RALYL: variants seen among roughly 807,000 people sequenced by gnomAD.
RALYL encodes RNA-binding Raly-like protein.
Under a neutral mutation model 35.1 loss-of-function variants are expected in RALYL, and 29 were observed. The ratio of observed to expected loss-of-function variants is 0.83; its 90% CI spans 0.61 to 1.13. RALYL has a LOEUF of 1.13. RALYL is among the 50% of genes most tolerant of loss of function. The pLI, the probability that RALYL is intolerant of heterozygous loss-of-function variation, is 0.00. For missense variants in RALYL, 359 were observed against 360.4 expected (o/e 1.00, Z 0.03); for synonymous variants, 120 against 127.6 (o/e 0.94, Z 0.40).
At chr8:84,756,696 A>G (rs2133302273) in intron 2 of RALYL, among the ~76,000 whole-genome samples, 1 of 152,200 alleles carries the variant, frequency 6.6e-6, no homozygotes, top group Admixed American at 6.5e-5. Context: ...TAATATTCAT[A>G]TTGCTGATTA....
intron 2 of RALYL, among the ~76,000 whole-genome samples, chr8:84,537,644 G>A (rs957170772): frequency 1.3e-5 from 2 of 152,068 alleles, no homozygotes; most frequent in African/African-American, 2.4e-5. Flanking sequence ...TCAGTGGCTT[G>A]TAGTAATGTT....
rs950840959 is a variant in RALYL at position 84,185,253 on chromosome 8, T to C, written c.-24+829T>C. On this transcript the variant is annotated intron_variant, in intron 1 of 8. Coordinates refer to ENST00000521268, the MANE Select transcript of RALYL (RefSeq NM_173848.7). Reference sequence around the variant, plus strand: ...TCTAAGGTATTAAAAAAATGCCTTTTATTTAAATTTTGTTAAAGGGGCAGA... The same window carrying C: ...TCTAAGGTATTAAAAAAATGCCTTTCATTTAAATTTTGTTAAAGGGGCAGA... The C allele has an allele frequency of 1.6e-5, 9 of 566,784 alleles. No homozygotes were observed. The East Asian group carries it at 2.1e-4, about 13-fold the overall frequency. The allele number at this position is 566,784 out of a possible 1,614,324, so 35.1% of individuals were successfully genotyped here. A position where few individuals can be genotyped will look rare whatever the true frequency, so the allele number is the denominator to read the frequency against.
chr8:84,881,864 A>G (rs1302848635), intron 7 of RALYL, among the ~76,000 whole-genome samples: 3 of 151,884 alleles, frequency 2.0e-5, no homozygotes, highest in African/African-American at 4.8e-5. Flanking sequence ...TGGTATGTCA[A>G]ATTAGGCCTT....
At chr8:84,816,816 G>A (rs76431770) in intron 4 of RALYL, among the ~76,000 whole-genome samples, 3,246 of 152,046 alleles carry the variant, frequency 0.021, 108 homozygotes, top group African/African-American at 0.074. Context: ...AATGGATACC[G>A]CATTCTCCCT....
At chr8:84,746,572 T>C (rs1038093220) in intron 2 of RALYL, among the ~76,000 whole-genome samples, 7 of 152,152 alleles carry the variant, frequency 4.6e-5, no homozygotes, top group Admixed American at 6.6e-5. Context: ...TATTGGACTA[T>C]ACCACCAAAC....
intron 1 of RALYL, among the ~76,000 whole-genome samples, chr8:84,427,241 C>T (rs1423151462): frequency 1.3e-5 from 2 of 152,190 alleles, no homozygotes; most frequent in Non-Finnish European, 2.9e-5. Flanking sequence ...TCAGCTATGG[C>T]AATAGCTTCC....
intron 2 of RALYL, among the ~76,000 whole-genome samples, chr8:84,666,710 A>G (rs1284061681): frequency 6.6e-6 from 1 of 152,066 alleles, no homozygotes; most frequent in Non-Finnish European, 1.5e-5. Context: ...CTGAGATCAA[A>G]TGAAATCGTT....
intron 1 of RALYL, among the ~76,000 whole-genome samples, chr8:84,348,312 A>C (rs1357691361): frequency 6.6e-6 from 1 of 152,136 alleles, no homozygotes; most frequent in African/African-American, 2.4e-5. Context: ...ATGGATTTTC[A>C]GAGACAGAGT....
rs1018790086 is a variant in RALYL, at chr8:84,919,516, A to C, written c.859-1378A>C. 4.6e-5 allele frequency among the ~76,000 whole-genome samples: 7 copies of C among 152,214 alleles called. No individual in the cohort carries two copies. The South Asian group carries it at 1.0e-3, about 23-fold the overall frequency. On this transcript the variant is annotated intron_variant, in intron 8 of 8. Coordinates refer to ENST00000521268, the MANE Select transcript of RALYL (RefSeq NM_173848.7). The stretch of plus-strand genomic sequence containing the variant: ...CAAAACTGACTCTTCTCATGCACAT[A>C]AACACAACCTGGAACTGCATGACAA...
chr8:84,497,094 G>A (rs183742515), intron 1 of RALYL, among the ~76,000 whole-genome samples: 19 of 152,124 alleles, frequency 1.2e-4, no homozygotes, highest in African/African-American at 4.6e-4. Flanking sequence ...TCTAAGATGA[G>A]GCCGCTTACC....
chr8:84,570,390 T>C (rs1013173211), intron 2 of RALYL, among the ~76,000 whole-genome samples: 11 of 151,870 alleles, frequency 7.2e-5, no homozygotes, highest in African/African-American at 2.2e-4. Flanking sequence ...TTGAACATTA[T>C]TGATGTGTAG....
intron 2 of RALYL, among the ~76,000 whole-genome samples, chr8:84,578,160 C>G (rs755931123): frequency 5.9e-5 from 9 of 152,216 alleles, no homozygotes; most frequent in Non-Finnish European, 1.3e-4. Context: ...CTGCACACAG[C>G]CATGCACACT....
chr8:84,215,625 T>C (rs1199421002), intron 1 of RALYL, among the ~76,000 whole-genome samples: 1 of 152,170 alleles, frequency 6.6e-6, no homozygotes, highest in Non-Finnish European at 1.5e-5. Context: ...GCTGCTTCTC[T>C]CTTTCCTGCC....
chr8:84,644,831 A>C (rs1208042444), intron 2 of RALYL, among the ~76,000 whole-genome samples: 3 of 151,470 alleles, frequency 2.0e-5, no homozygotes, highest in African/African-American at 7.3e-5. Flanking sequence ...GGCTCACTGC[A>C]ACCTCCACCT....
intron 2 of RALYL, chr8:84,679,764 A>G (rs1057285097): frequency 5.8e-6 from 3 of 521,116 alleles, no homozygotes; most frequent in Admixed American, 2.0e-5. Flanking sequence ...CTTTGGATTC[A>G]GCACTGATGA....
chr8:84,667,126 A>G (rs1010458534), intron 2 of RALYL, among the ~76,000 whole-genome samples: 1 of 152,092 alleles, frequency 6.6e-6, no homozygotes, highest in African/African-American at 2.4e-5. Flanking sequence ...AGAAGAAAAC[A>G]GGTAATTTGA....
intron 3 of RALYL, among the ~76,000 whole-genome samples, chr8:84,799,577 A>C (rs1478128371): frequency 6.6e-6 from 1 of 152,246 alleles, no homozygotes; most frequent in Non-Finnish European, 1.5e-5. Flanking sequence ...AAAGGAGTTC[A>C]TGAGAATGAT....
At chr8:84,775,698 C>A (rs1291434443) in intron 3 of RALYL, among the ~76,000 whole-genome samples, 1 of 152,114 alleles carries the variant, frequency 6.6e-6, no homozygotes, top group Admixed American at 6.5e-5. Flanking sequence ...AGAGATTTAG[C>A]ACCTTTGTTG....
chr8:84,644,254 G>T (rs569110854), intron 2 of RALYL, among the ~76,000 whole-genome samples: 18 of 152,136 alleles, frequency 1.2e-4, no homozygotes, highest in African/African-American at 4.1e-4. Flanking sequence ...TTTTAGGCTA[G>T]ACTCTTTAGC....
Sources: allele counts gnomAD v4.1 joint callset (sites outside exome capture counted in the v4.1 genomes callset), GRCh38; gene constraint gnomAD v4.1.1; transcripts MANE v1.5; gene names NCBI Gene and HGNC (gene_info 2026-07-23, HGNC 2026-07-21).